The following CDK8 variants were observed in gnomAD, a reference collection of about 807,000 sequenced individuals.
The protein encoded by CDK8 is cyclin dependent kinase 8, also known as cyclin-dependent kinase 8.
A neutral mutation model predicts 71.5 loss-of-function variants in CDK8; 29 were observed. The observed-to-expected ratio is 0.41, with a 90% confidence interval of 0.30 to 0.55. The LOEUF (loss-of-function observed/expected upper bound fraction) is 0.55. Among genes scored for constraint, CDK8 ranks in the 20% least tolerant of loss-of-function variants. The probability of loss-of-function intolerance (pLI) is 0.37; values close to 1 mark genes in which losing one functional copy is unlikely to be tolerated. For synonymous variants in CDK8, 161 were observed against 192.1 expected, an observed-to-expected ratio of 0.84 and a Z score of 1.34; for missense variants, 288 against 572.6, an observed-to-expected ratio of 0.50 and a Z score of 5.07.
intron 4 of CDK8, among the ~76,000 whole-genome samples, chr13:26,365,201 T>C (rs538758615): frequency 6.6e-6 from 1 of 152,176 alleles, no homozygotes. Context: ...TGGTAACAAC[T>C]GATTAAGGCA....
chr13:26,329,835 G>A lies in CDK8; in HGVS notation c.129-7732G>A, dbSNP rs187150261. On this transcript the variant is annotated intron_variant, in intron 1 of 12. Coordinates refer to ENST00000381527, the MANE Select transcript of CDK8 (RefSeq NM_001260.3). Reference sequence around the variant, plus strand: ...TTCTAAAATCTCATCTGTCCTCAGGGCTGTCACCGGTAGCCATTTATTTTG... The same window carrying A: ...TTCTAAAATCTCATCTGTCCTCAGGACTGTCACCGGTAGCCATTTATTTTG... Among the ~76,000 whole-genome samples the A allele has an allele frequency of 5.3e-5, 8 of 152,168 alleles. No individual in the cohort carries two copies. The East Asian group carries it at 1.5e-3, about 29-fold the overall frequency.
intron 2 of CDK8, among the ~76,000 whole-genome samples, chr13:26,346,002 A>C (rs1428072560): frequency 1.3e-5 from 2 of 152,190 alleles, no homozygotes; most frequent in Non-Finnish European, 2.9e-5. Flanking sequence ...AAAGACACAT[A>C]ATCCAGACAT....
chr13:26,254,629 A>G lies in CDK8; in HGVS notation c.-13A>G. On this transcript the variant is annotated 5_prime_UTR_variant, in exon 1 of 13. Coordinates refer to ENST00000381527, the MANE Select transcript of CDK8 (RefSeq NM_001260.3). The surrounding 1 kb of genome is among the most constrained non-coding windows in gnomAD (Gnocchi z 6.7). The stretch of plus-strand genomic sequence containing the variant: ...CCCCCCGACCCAGCTCTCCGGCCTC[A>G]GAGGCTGTGACAATGGACTATGACT... 3.2e-6 allele frequency: 5 copies of G among 1,551,164 alleles called. No homozygotes were observed. Among genetic ancestry groups the G allele is most frequent in the Non-Finnish European group, 4.4e-6 (5 of 1,140,904 alleles).
intron 1 of CDK8, among the ~76,000 whole-genome samples, chr13:26,336,122 T>TGC (rs1555230786): frequency 4.7e-5 from 7 of 148,582 alleles, no homozygotes; most frequent in Non-Finnish European, 7.5e-5. Context: ...TACACAAACA[T>TGC]ACACACACAC....
Position 26,254,516 on chromosome 13 carries a change from TG to T in CDK8, c.-124del. 1.4e-6 allele frequency: 1 copy of T among 725,384 alleles called. No individual in the cohort carries two copies. The highest frequency in any genetic ancestry group is 2.2e-6 in the Non-Finnish European group (1 of 454,590). 44.9% of individuals were successfully genotyped at this position (725,384 alleles called of 1,614,324 possible). A position where few individuals can be genotyped will look rare whatever the true frequency, so the allele number is the denominator to read the frequency against. ...CCTGCTCTTGCCGCATCAGTCGGGC[TG>T]GTGCTGCGGCCGGCGGGCGTAGAGC... is the stretch of plus-strand genomic sequence containing the variant. On this transcript the variant is annotated 5_prime_UTR_variant, in exon 1 of 13. It removes the in-frame stop codon of an upstream open reading frame in the 5' UTR. Coordinates refer to ENST00000381527, the MANE Select transcript of CDK8 (RefSeq NM_001260.3). This position sits in a 1 kb window ranked among gnomAD's most constrained non-coding sequence, Gnocchi z 6.7.
intron 7 of CDK8, among the ~76,000 whole-genome samples, chr13:26,394,912 GCAGA>G (rs1220436245): frequency 6.6e-6 from 1 of 152,184 alleles, no homozygotes; most frequent in African/African-American, 2.4e-5. Flanking sequence ...TAGCAGTGCT[GCAGA>G]CAGAAAGTAG....
At chr13:26,315,424 A>AGT (rs1240829994) in intron 1 of CDK8, among the ~76,000 whole-genome samples, 1 of 152,170 alleles carries the variant, frequency 6.6e-6, no homozygotes, top group Admixed American at 6.5e-5. Flanking sequence ...AGGATCAATC[A>AGT]GTGTGTGTGT....
chr13:26,355,561 C>T (rs1873859493), intron 4 of CDK8, among the ~76,000 whole-genome samples: 1 of 152,156 alleles, frequency 6.6e-6, no homozygotes, highest in Non-Finnish European at 1.5e-5. Context: ...TTGCAGTGAG[C>T]CAAGATCGCG....
At chr13:26,323,965 A>G (rs1325519462) in intron 1 of CDK8, among the ~76,000 whole-genome samples, 1 of 152,134 alleles carries the variant, frequency 6.6e-6, no homozygotes, top group East Asian at 1.9e-4. Flanking sequence ...ACTATGCCAG[A>G]CTGGTCCCTA....
At chr13:26,278,940 C>CA (rs1303839827) in intron 1 of CDK8, among the ~76,000 whole-genome samples, 1 of 152,040 alleles carries the variant, frequency 6.6e-6, no homozygotes, top group Non-Finnish European at 1.5e-5. Flanking sequence ...CATAAGTAAT[C>CA]AAAAGACGAT....
intron 1 of CDK8, among the ~76,000 whole-genome samples, chr13:26,282,325 C>T (rs779554815): frequency 1.1e-4 from 16 of 152,130 alleles, no homozygotes; most frequent in Non-Finnish European, 2.1e-4. Context: ...GCAAAAGCAT[C>T]AGGTAACCTA....
At chr13:26,321,728 C>T (rs1874784153) in intron 1 of CDK8, among the ~76,000 whole-genome samples, 1 of 151,898 alleles carries the variant, frequency 6.6e-6, no homozygotes, top group South Asian at 2.1e-4. Flanking sequence ...ATCTCATCTT[C>T]CTCTTTTCTC....
At chr13:26,394,366 T>C (rs1875889402) in intron 7 of CDK8, among the ~76,000 whole-genome samples, 1 of 152,214 alleles carries the variant, frequency 6.6e-6, no homozygotes. Context: ...AGATACTGCC[T>C]TTCTCCAAAA....
At position 26,337,642 on chromosome 13, in the gene CDK8, A is replaced by G. The variant is rs371097459; in HGVS notation, c.204A>G (p.Ala68=). The G allele has an allele frequency of 9.3e-6, 13 of 1,399,582 alleles. No individual in the cohort carries two copies. In the African/African-American group the frequency reaches 1.8e-4, roughly 19 times the overall value. 86.7% of individuals were successfully genotyped at this position (1,399,582 alleles called of 1,614,324 possible). A position where few individuals can be genotyped will look rare whatever the true frequency, so the allele number is the denominator to read the frequency against. The change falls in exon 2 of 13, where the codon GCA becomes GCG. Residue 68 remains alanine (A), a splice_region_variant and synonymous_variant. Coordinates refer to ENST00000381527, the MANE Select transcript of CDK8 (RefSeq NM_001260.3). ...CTATGTCGGCATGTAGAGAAATAGC[A>G]GTAAGTGAAGTTCTTTTTATCATCG... ...GISMSACREI[A]LLRELKHPNV...
At chr13:26,376,236 TAATG>T (rs1284292821) in intron 4 of CDK8, among the ~76,000 whole-genome samples, 27 of 152,036 alleles carry the variant, frequency 1.8e-4, no homozygotes, top group Middle Eastern at 3.4e-3. Flanking sequence ...AAATTAATAA[TAATG>T]AAAGAAAGGA....
At chr13:26,366,129 T>C (rs1421334609) in intron 4 of CDK8, among the ~76,000 whole-genome samples, 1 of 152,166 alleles carries the variant, frequency 6.6e-6, no homozygotes, top group Non-Finnish European at 1.5e-5. Context: ...CAGCTAAAGC[T>C]GTTATCTAAA....
chr13:26,324,131 G>C (rs1056165074), intron 1 of CDK8, among the ~76,000 whole-genome samples: 1 of 152,178 alleles, frequency 6.6e-6, no homozygotes, highest in Non-Finnish European at 1.5e-5. Context: ...GCAAGAGTGA[G>C]AAGGTATATT....
At chr13:26,266,972 A>G (rs1353678409) in intron 1 of CDK8, among the ~76,000 whole-genome samples, 1 of 152,222 alleles carries the variant, frequency 6.6e-6, no homozygotes, top group Non-Finnish European at 1.5e-5. Context: ...TATAATTAGG[A>G]GACAATTAAT....
At chr13:26,262,735 C>A (rs375937862) in intron 1 of CDK8, among the ~76,000 whole-genome samples, 2 of 152,118 alleles carry the variant, frequency 1.3e-5, no homozygotes, top group Non-Finnish European at 2.9e-5. Context: ...TTAAGGAAAA[C>A]GTAATTAGTT....
Sources: gnomAD v4.1 joint callset for allele counts (sites outside exome capture counted in the v4.1 genomes callset) on GRCh38, gnomAD v4.1.1 for gene constraint, Gnocchi (gnomAD v3.1) non-coding constraint, MANE v1.5 for transcripts, NCBI Gene and HGNC (gene_info 2026-07-23, HGNC 2026-07-21) for gene names.